Variants in ZC3H11A observed in about 807,000 individuals in gnomAD.
ZC3H11A encodes zinc finger CCCH-type containing 11A, also known as zinc finger CCCH domain-containing protein 11A.
Under a neutral mutation model 90.8 loss-of-function variants are expected in ZC3H11A, and 22 were observed. The ratio of observed to expected loss-of-function variants is 0.24; its 90% CI spans 0.17 to 0.35. ZC3H11A has a LOEUF of 0.35. Ranked by LOEUF, ZC3H11A falls within the 10% of genes least tolerant of loss-of-function variation. The pLI, the probability that ZC3H11A is intolerant of heterozygous loss-of-function variation, is 1.00. For missense variants in ZC3H11A, 701 were observed against 964.9 expected (o/e 0.73, Z 3.62); for synonymous variants, 294 against 339.8 (o/e 0.87, Z 1.48).
intron 11 of ZC3H11A, among the ~76,000 whole-genome samples, chr1:203,838,954 CAAAAAAAA>C (rs59033094): frequency 1.0e-5 from 1 of 97,944 alleles, no homozygotes; most frequent in African/African-American, 4.3e-5. Flanking sequence ...GACTTCATCT[CAAAAAAAA>C]AAAAAAAAAA....
intron 2 of ZC3H11A, among the ~76,000 whole-genome samples, chr1:203,816,718 A>G (rs949363996): frequency 6.6e-6 from 1 of 152,206 alleles, no homozygotes; most frequent in Non-Finnish European, 1.5e-5. Flanking sequence ...CACAGAGAAT[A>G]TAAAAGAAGG....
At chr1:203,805,889 C>CA in intron 2 of ZC3H11A, 1 of 734,048 alleles carries the variant, frequency 1.4e-6, no homozygotes, top group Non-Finnish European at 2.5e-6. Context: ...TGTAAATTCT[C>CA]AATCTGGTCA....
At chr1:203,818,771 T>A (rs774831498) in intron 4 of ZC3H11A, 82 bp downstream of exon 4, 1 of 1,599,030 alleles carries the variant, frequency 6.3e-7, no homozygotes, top group Non-Finnish European at 8.5e-7. Context: ...AAAAGTGACT[T>A]TTAAAAAATA....
rs1670751245 is a variant in ZC3H11A, at chr1:203,802,244, G to A, written c.-918G>A. 1 of 152,552 alleles carries A rather than the reference G, an allele frequency of 6.6e-6. No homozygotes were observed. Among genetic ancestry groups the A allele is most frequent in the African/African-American group, 2.4e-5 (1 of 41,416 alleles). The allele number at this position is 152,552 out of a possible 1,614,324, so 9.4% of individuals were successfully genotyped here. On this transcript the variant is annotated 5_prime_UTR_variant, in exon 2 of 18. In the 5' UTR this introduces an upstream ATG that the reference lacks. Coordinates refer to ENST00000367210, the MANE Select transcript of ZC3H11A (RefSeq NM_001376342.1). ...ATCCATATTATACATAATGATATATGTGTAAGGATTTACCTTCGTCTTTAT... is the reference window on the plus strand; with the variant it reads ...ATCCATATTATACATAATGATATATATGTAAGGATTTACCTTCGTCTTTAT...
At chr1:203,848,658 C>T (rs1040303699) in intron 14 of ZC3H11A, among the ~76,000 whole-genome samples, 2 of 152,110 alleles carry the variant, frequency 1.3e-5, no homozygotes, top group Admixed American at 6.6e-5. Flanking sequence ...GAGGCTGAGG[C>T]GGGCGGATCA....
At chr1:203,796,607 T>TGTATGTAG (rs1412563805) in intron 1 of ZC3H11A, 1 of 396,400 alleles carries the variant, frequency 2.5e-6, no homozygotes, top group East Asian at 3.6e-5. Flanking sequence ...TTAGGGTAAA[T>TGTATGTAG]GTATGTAGGT....
chr1:203,795,770 G>A lies in ZC3H11A; in HGVS notation c.-1612G>A, dbSNP rs1668178756. On this transcript the variant is annotated 5_prime_UTR_variant, in exon 1 of 18. Coordinates refer to ENST00000367210, the MANE Select transcript of ZC3H11A (RefSeq NM_001376342.1). The stretch of plus-strand genomic sequence containing the variant: ...AGCGGGAGTCGGGGATAGTGTCATC[G>A]GTTCGGTAAAGTTTCTGTTCTCTGG... 6.6e-6 allele frequency: 1 copy of A among 152,166 alleles called. No homozygotes were observed. The highest frequency in any genetic ancestry group is 2.4e-5 in the African/African-American group (1 of 41,430). 9.4% of individuals were successfully genotyped at this position (152,166 alleles called of 1,614,324 possible). A position where few individuals can be genotyped will look rare whatever the true frequency, so the allele number is the denominator to read the frequency against.
intron 14 of ZC3H11A, among the ~76,000 whole-genome samples, 192 bp from the exon 15 acceptor site, chr1:203,849,519 A>G (rs1320648783): frequency 1.3e-5 from 2 of 152,192 alleles, no homozygotes; most frequent in Admixed American, 6.5e-5. Flanking sequence ...GTTTTTTATT[A>G]TTCCATACAT....
intron 12 of ZC3H11A, among the ~76,000 whole-genome samples, chr1:203,842,326 C>T (rs1346297745): frequency 4.6e-5 from 7 of 152,168 alleles, no homozygotes; most frequent in Admixed American, 1.3e-4. Context: ...ACTGAGTGAG[C>T]GAGACTCCGT....
intron 2 of ZC3H11A, among the ~76,000 whole-genome samples, chr1:203,805,165 CAG>C (rs1671879636): frequency 7.1e-6 from 1 of 140,218 alleles, no homozygotes. Context: ...TTTTTTGAGA[CAG>C]AGTCTTGCTC....
chr1:203,847,745 T>G, intron 13 of ZC3H11A, 58 bp downstream of exon 13: 3 of 1,559,956 alleles, frequency 1.9e-6, no homozygotes, highest in Non-Finnish European at 2.6e-6. Flanking sequence ...CAGAGGAGTG[T>G]TCCGTGGGAT....
intron 8 of ZC3H11A, among the ~76,000 whole-genome samples, chr1:203,831,362 G>A (rs1682306129): frequency 6.6e-6 from 1 of 152,062 alleles, no homozygotes; most frequent in Admixed American, 6.6e-5. Context: ...GTACCTCTGA[G>A]GTTAATTTTA....
intron 2 of ZC3H11A, among the ~76,000 whole-genome samples, chr1:203,804,062 T>G (rs1309679588): frequency 6.6e-6 from 1 of 152,306 alleles, no homozygotes; most frequent in South Asian, 2.1e-4. Context: ...TATCCAGGTC[T>G]TCTGTGCCTT....
At chr1:203,841,012 T>A (rs781158172) in intron 12 of ZC3H11A, among the ~76,000 whole-genome samples, 1 of 151,744 alleles carries the variant, frequency 6.6e-6, no homozygotes, top group African/African-American at 2.4e-5. Flanking sequence ...TGTGCTAAAA[T>A]AATTGCTGTC....
chr1:203,838,056 CAAAG>C lies in ZC3H11A; in HGVS notation c.970_973del (p.Lys324LeufsTer11). On this transcript the variant is annotated frameshift_variant, in exon 11 of 18. Coordinates refer to ENST00000367210, the MANE Select transcript of ZC3H11A (RefSeq NM_001376342.1). LOFTEE classifies it high-confidence loss of function. The stretch of plus-strand genomic sequence containing the variant: ...CCAGAAACTAACATTGACAAAACAC[CAAAG>C]AAAGGTACCTGTGTTCTTACATACT... 1 of 1,614,024 alleles carries C rather than the reference CAAAG, an allele frequency of 6.2e-7. No individual in the cohort carries two copies. The highest frequency in any genetic ancestry group is 8.5e-7 in the Non-Finnish European group (1 of 1,179,934).
At chr1:203,840,507 G>A in intron 12 of ZC3H11A, 133 bp downstream of exon 12, 2 of 831,146 alleles carry the variant, frequency 2.4e-6, no homozygotes, top group Non-Finnish European at 3.7e-6. Context: ...TGTTTTTTAA[G>A]TAATTGATCA....
chr1:203,806,729 A>G (rs1482988479), intron 2 of ZC3H11A, among the ~76,000 whole-genome samples: 1 of 150,994 alleles, frequency 6.6e-6, no homozygotes, highest in Admixed American at 6.6e-5. Flanking sequence ...GTTTTACCAT[A>G]TTGCATATGC....
rs779357349 is a variant in ZC3H11A, at chr1:203,840,322, T to C, written c.990T>C (p.Ser330=). Reference sequence around the variant, plus strand: ...TTTTCACAGCTCAAGTTTCCAAGTCTCTTAAGGAGCGATTAGGCATGTCAG... The same window carrying C: ...TTTTCACAGCTCAAGTTTCCAAGTCCCTTAAGGAGCGATTAGGCATGTCAG... ...KTPKKAQVSK[S]LKERLGMSAD... is the part of the protein sequence containing the mutation. Residue 330 remains serine (S), a synonymous_variant, in exon 12 of 18, where the codon TCT becomes TCC. Transcript: ENST00000367210. The C allele has an allele frequency of 6.2e-7, 1 of 1,612,782 alleles. No homozygotes were observed. The highest frequency in any genetic ancestry group is 1.7e-4 in the Middle Eastern group (1 of 6,060).
At chr1:203,831,435 C>A (rs533749820) in intron 8 of ZC3H11A, among the ~76,000 whole-genome samples, 1 of 151,984 alleles carries the variant, frequency 6.6e-6, no homozygotes, top group Non-Finnish European at 1.5e-5. Context: ...GTTTGGGTGC[C>A]TAAGTCACTC....
Sources: gnomAD v4.1 joint callset for allele counts (sites outside exome capture counted in the v4.1 genomes callset) on GRCh38, gnomAD v4.1.1 for gene constraint, MANE v1.5 for transcripts, NCBI Gene and HGNC (gene_info 2026-07-23, HGNC 2026-07-21) for gene names.